Variants in ANKRD62 observed in about 807,000 individuals in gnomAD.
The protein encoded by ANKRD62 is ankyrin repeat domain 62, also known as ankyrin repeat domain-containing protein 62.
ANKRD62 carries 61 observed loss-of-function variants against 98.8 expected under a neutral mutation model. That is an observed-to-expected ratio of 0.62 (90% CI 0.50 to 0.76). ANKRD62 has a LOEUF of 0.76. ANKRD62 is among the 30% of genes least tolerant of loss of function. The pLI is 0.00. For missense variants in ANKRD62, 933 were observed against 1,082.9 expected, an observed-to-expected ratio of 0.86 and a Z score of 1.94; for synonymous variants, 341 against 367.9, an observed-to-expected ratio of 0.93 and a Z score of 0.84.
chr18:12,146,539 G>A, the ANKRD62 span, among the ~76,000 whole-genome samples: 1 of 152,178 alleles, frequency 6.6e-6, no homozygotes, highest in African/African-American at 2.4e-5. Flanking sequence ...TCCGCCTCCT[G>A]GGTTCAAGCA....
chr18:12,094,267 G>A (rs1179106085), intron 1 of ANKRD62, 32 bp downstream of exon 1: 1 of 1,483,192 alleles, frequency 6.7e-7, no homozygotes, highest in Non-Finnish European at 8.9e-7. Flanking sequence ...GAGGAGGCCT[G>A]GGGATATGGG....
Position 12,126,382 on chromosome 18 carries a change from A to C in ANKRD62, c.2561A>C (p.Glu854Ala). ...TATGAAAAAGAGAAAGAAGAAAGAG[A>C]AGTAAGTATCAAGAAAGATAAGTAT... ...CQYEKEKEER[E>A]VVRRQLQREV... Residue 854 changes from glutamate (E) to alanine (A), a missense_variant and splice_region_variant, in exon 13 of 14, where the codon GAA becomes GCA. By Grantham distance (107) the Glu-to-Ala change is moderately radical. Around this residue, in one of 3 missense-constraint regions of ANKRD62, gnomAD observed 362 missense variants for 434.5 expected, o/e 0.83. Transcript: ENST00000587848. 6.7e-7 allele frequency: 1 copy of C among 1,503,356 alleles called. No individual in the cohort carries two copies. Among genetic ancestry groups the C allele is most frequent in the Non-Finnish European group, 8.8e-7 (1 of 1,134,060 alleles). The allele number at this position is 1,503,356 out of a possible 1,614,324, so 93.1% of individuals were successfully genotyped here.
At chr18:12,107,885 A>G (rs1243204312) in intron 8 of ANKRD62, among the ~76,000 whole-genome samples, 2 of 152,194 alleles carry the variant, frequency 1.3e-5, no homozygotes, top group Admixed American at 1.3e-4. Context: ...TTTATTATAC[A>G]TATGATGTAG....
Position 12,128,588 on chromosome 18 carries a change from T to C in ANKRD62, c.*649T>C, listed in dbSNP as rs1007884807. Reference sequence around the variant, plus strand: ...GCATTTTGACAACGTGGCTTCTCCTTTGGCATGTCAATGGACATCCCTGCA... The same window carrying C: ...GCATTTTGACAACGTGGCTTCTCCTCTGGCATGTCAATGGACATCCCTGCA... On this transcript the variant is annotated 3_prime_UTR_variant, in exon 14 of 14. Coordinates refer to ENST00000587848, the MANE Select transcript of ANKRD62 (RefSeq NM_001277333.2). The C allele has an allele frequency of 3.3e-5, 5 of 152,264 alleles. No individual in the cohort carries two copies. The highest frequency in any genetic ancestry group is 9.6e-5 in the African/African-American group (4 of 41,462). The allele number at this position is 152,264 out of a possible 1,614,324, so 9.4% of individuals were successfully genotyped here.
intron 8 of ANKRD62, among the ~76,000 whole-genome samples, chr18:12,113,092 G>T (rs1204499012): frequency 1.4e-4 from 21 of 151,990 alleles, no homozygotes; most frequent in Admixed American, 1.3e-3. Context: ...ATGGGTTTTT[G>T]CCGTGTTGGT....
intron 10 of ANKRD62, among the ~76,000 whole-genome samples, chr18:12,119,029 T>A (rs1227326142): frequency 6.6e-6 from 1 of 152,220 alleles, no homozygotes; most frequent in Admixed American, 6.5e-5. Context: ...TTTCTTTTTC[T>A]AGGACGGTCC....
the ANKRD62 span, among the ~76,000 whole-genome samples, chr18:12,165,987 C>A: frequency 3.9e-5 from 6 of 152,198 alleles, no homozygotes; most frequent in African/African-American, 1.4e-4. Flanking sequence ...GCACTGAAAG[C>A]TTTCCATCTG....
At chr18:12,173,728 A>T in the ANKRD62 span, among the ~76,000 whole-genome samples, 1 of 152,030 alleles carries the variant, frequency 6.6e-6, no homozygotes, top group Non-Finnish European at 1.5e-5. Flanking sequence ...AAAGGATCTT[A>T]TTTCTCCTTT....
chr18:12,167,018 C>G, the ANKRD62 span, among the ~76,000 whole-genome samples: 3 of 151,452 alleles, frequency 2.0e-5, no homozygotes, highest in Non-Finnish European at 4.4e-5. Flanking sequence ...ATGATGGTTT[C>G]CAGCTTCATC....
chr18:12,156,955 G>A, the ANKRD62 span, among the ~76,000 whole-genome samples: 32 of 151,918 alleles, frequency 2.1e-4, no homozygotes, highest in South Asian at 2.1e-4. Flanking sequence ...GCTCTCTCTC[G>A]CTCGCTGTCT....
the ANKRD62 span, among the ~76,000 whole-genome samples, chr18:12,145,104 T>C: frequency 2.8e-4 from 43 of 151,982 alleles, no homozygotes; most frequent in South Asian, 1.9e-3. Context: ...GATTGCACCA[T>C]GTTTTTGTAG....
At chr18:12,121,313 G>A (rs529730615) in intron 10 of ANKRD62, among the ~76,000 whole-genome samples, 3 of 152,040 alleles carry the variant, frequency 2.0e-5, no homozygotes, top group Admixed American at 6.6e-5. Context: ...AAGAGTTTTC[G>A]GATTATTTGT....
Position 12,122,479 on chromosome 18 carries a change from C to G in ANKRD62, c.1417C>G (p.Gln473Glu), listed in dbSNP as rs1284310056. ...CAAAACCAAATCACAGTCAGAGCATCAGAATCTTCAAGGGAAAAAAAAGCT... is the reference window on the plus strand; with the variant it reads ...CAAAACCAAATCACAGTCAGAGCATGAGAATCTTCAAGGGAAAAAAAAGCT... ...TDKTKSQSEH[Q>E]NLQGKKKLCN... Residue 473 changes from glutamine (Q) to glutamate (E), a missense_variant, in exon 11 of 14, where the codon CAG becomes GAG. Physicochemically the swap from Gln to Glu is conservative, Grantham distance 29. This residue lies in a region of ANKRD62 where 549 missense variants were observed against 587.9 expected (regional missense o/e 0.93). Coordinates refer to ENST00000587848, the MANE Select transcript of ANKRD62 (RefSeq NM_001277333.2). The G allele has an allele frequency of 6.5e-7, 1 of 1,532,642 alleles. No homozygotes were observed. Among genetic ancestry groups the G allele is most frequent in the Non-Finnish European group, 8.7e-7 (1 of 1,146,010 alleles). 94.9% of individuals were successfully genotyped at this position (1,532,642 alleles called of 1,614,324 possible).
chr18:12,165,685 C>A, the ANKRD62 span, among the ~76,000 whole-genome samples: 2 of 151,948 alleles, frequency 1.3e-5, no homozygotes, highest in African/African-American at 4.8e-5. Context: ...AGTTTCACAC[C>A]ACAATTAACA....
chr18:12,145,314 C>T, the ANKRD62 span, among the ~76,000 whole-genome samples: 4 of 152,072 alleles, frequency 2.6e-5, no homozygotes, highest in Non-Finnish European at 4.4e-5. Context: ...CTCCAAAGCT[C>T]GAAAAAATGC....
chr18:12,151,300 G>T, the ANKRD62 span, among the ~76,000 whole-genome samples: 1 of 152,176 alleles, frequency 6.6e-6, no homozygotes, highest in African/African-American at 2.4e-5. Flanking sequence ...AGTTCTTAGA[G>T]ATCTACAAAG....
chr18:12,106,127 C>A (rs1215271194), intron 7 of ANKRD62, among the ~76,000 whole-genome samples: 1 of 152,196 alleles, frequency 6.6e-6, no homozygotes, highest in Non-Finnish European at 1.5e-5. Flanking sequence ...TTCATCATGA[C>A]AACCTTAAGT....
chr18:12,179,721 T>A, the ANKRD62 span, among the ~76,000 whole-genome samples: 1 of 146,932 alleles, frequency 6.8e-6, no homozygotes, highest in African/African-American at 2.6e-5. Context: ...GCAAACAGAT[T>A]AAGAAAGTAG....
At chr18:12,132,957 C>T (rs1264325363), downstream of ANKRD62, among the ~76,000 whole-genome samples, 2 of 152,062 alleles carry the variant, frequency 1.3e-5, no homozygotes, top group Admixed American at 6.6e-5. Context: ...CAATTTTTAA[C>T]TCCATAGTTC....
Sources: gnomAD v4.1 joint callset for allele counts (sites outside exome capture counted in the v4.1 genomes callset) on GRCh38, gnomAD v4.1.1 for gene constraint, gnomAD v4.1.1 regional missense constraint, MANE v1.5 for transcripts, NCBI Gene and HGNC (gene_info 2026-07-23, HGNC 2026-07-21) for gene names.